The following PDS5A variants were observed in gnomAD, a reference collection of about 807,000 sequenced individuals.
The protein encoded by PDS5A is sister chromatid cohesion protein PDS5 homolog A.
A neutral mutation model predicts 167.1 loss-of-function variants in PDS5A; 42 were observed. That is an observed-to-expected ratio of 0.25 (90% CI 0.20 to 0.33). The LOEUF (loss-of-function observed/expected upper bound fraction) is 0.33. PDS5A is among the 10% of genes least tolerant of loss of function. PDS5A has a pLI of 1.00. For missense variants in PDS5A, 1,033 were observed against 1,605.9 expected, an observed-to-expected ratio of 0.64 and a Z score of 6.10; for synonymous variants, 553 against 554.6, an observed-to-expected ratio of 1.00 and a Z score of 0.04.
intron 10 of PDS5A, chr4:39,908,860 C>G (rs1327863624): frequency 4.7e-6 from 1 of 211,924 alleles, no homozygotes. Context: ...AACCCCGTCT[C>G]TACGAAAATT....
chr4:39,889,736 G>A (rs1037770535), intron 17 of PDS5A, among the ~76,000 whole-genome samples: 1 of 152,116 alleles, frequency 6.6e-6, no homozygotes, highest in African/African-American at 2.4e-5. Flanking sequence ...AAGATTTTAT[G>A]CCCATATTAA....
chr4:39,842,909 T>TTATA (rs71194933), intron 30 of PDS5A, among the ~76,000 whole-genome samples: 1,769 of 92,274 alleles, frequency 0.019, 103 homozygotes, highest in East Asian at 0.086. Flanking sequence ...TATCCTATTT[T>TTATA]TATATATATA....
intron 2 of PDS5A, chr4:39,973,529 T>A: frequency 7.5e-7 from 1 of 1,337,072 alleles, no homozygotes; most frequent in South Asian, 1.2e-5. Flanking sequence ...TTTTCTCCAT[T>A]TGGTACAATC....
intron 11 of PDS5A, among the ~76,000 whole-genome samples, chr4:39,905,733 G>A (rs1330167464): frequency 6.6e-6 from 1 of 151,948 alleles, no homozygotes; most frequent in Non-Finnish European, 1.5e-5. Flanking sequence ...CATTCTCAGG[G>A]AGATAAGATT....
At chr4:39,974,321 C>T (rs528904606) in intron 2 of PDS5A, 1 of 509,196 alleles carries the variant, frequency 2.0e-6, no homozygotes. Context: ...GTCAACAGAG[C>T]GGTTGCTAAC....
At chr4:39,846,013 A>G (rs1361100118) in intron 28 of PDS5A, 133 bp from the exon 29 acceptor site, 6 of 745,206 alleles carry the variant, frequency 8.1e-6, no homozygotes, top group Non-Finnish European at 1.1e-5. Context: ...CACATATACC[A>G]ATTTATCAAA....
intron 19 of PDS5A, among the ~76,000 whole-genome samples, chr4:39,876,540 A>C (rs1720475966): frequency 6.6e-6 from 1 of 152,178 alleles, no homozygotes; most frequent in Admixed American, 6.5e-5. Flanking sequence ...TTTAAGTCTA[A>C]ATATAACATC....
chr4:39,848,860 T>C lies in PDS5A; in HGVS notation c.3330A>G (p.Gln1110=), dbSNP rs202186240. ...AGAGGAAGAAAATTACCTTTTCAGG[T>C]TGTGTAAAAAATTTCATTGGGAGGA... ...DPVLPMKFFT[Q]PEKDFCNDKS... The change falls in exon 28 of 33, where the codon CAA becomes CAG. Residue 1110 remains glutamine, a synonymous_variant. Transcript: ENST00000303538. The C allele has an allele frequency of 1.7e-4, 279 of 1,597,738 alleles. No homozygotes were observed. The African/African-American group carries it at 3.4e-3, about 19-fold the overall frequency.
At chr4:39,968,347 CTTT>C (rs34421673) in intron 2 of PDS5A, among the ~76,000 whole-genome samples, 6 of 132,610 alleles carry the variant, frequency 4.5e-5, no homozygotes, top group Admixed American at 2.2e-4. Flanking sequence ...ATTTGTGATT[CTTT>C]TTTTTTTTTT....
At chr4:39,942,269 T>C (rs1025537230) in intron 2 of PDS5A, among the ~76,000 whole-genome samples, 5 of 152,204 alleles carry the variant, frequency 3.3e-5, no homozygotes, top group African/African-American at 4.8e-5. Context: ...GTTAATTCAT[T>C]ATCTTCCAAA....
In PDS5A at chr4:39,976,547, T is replaced by A; in HGVS notation, c.31A>T (p.Thr11Ser). MDFTAQPKPATALCGVVSADG... is the reference protein window; with the variant it reads MDFTAQPKPASALCGVVSADG... ...GCACTCACGACGCCACAGAGGGCAG[T>A]GGCAGGCTTGGGCTGCGCGGTGAAG... is the stretch of plus-strand genomic sequence containing the variant. The change falls in exon 2 of 33, where the codon ACT becomes TCT. Residue 11 changes from threonine to serine, a missense_variant. Coordinates refer to ENST00000303538, the MANE Select transcript of PDS5A (RefSeq NM_001100399.2). 1 of 1,613,488 alleles carries A rather than the reference T, an allele frequency of 6.2e-7. No homozygotes were observed.
chr4:39,904,680 T>C (rs1447584061), intron 11 of PDS5A, among the ~76,000 whole-genome samples: 2 of 152,180 alleles, frequency 1.3e-5, no homozygotes, highest in African/African-American at 4.8e-5. Flanking sequence ...CCAATGCAAA[T>C]ATTGCTAAAT....
intron 32 of PDS5A, among the ~76,000 whole-genome samples, chr4:39,825,975 A>T (rs1253065855): frequency 6.6e-6 from 1 of 152,126 alleles, no homozygotes; most frequent in Admixed American, 6.6e-5. Context: ...GCCTTTCCCT[A>T]AACTATATAA....
Position 39,824,602 on chromosome 4 carries a change from AAT to A in PDS5A, c.*881_*882del, listed in dbSNP as rs1715117857. On this transcript the variant is annotated 3_prime_UTR_variant, in exon 33 of 33. Transcript: ENST00000303538. ...TTTAAAAATTGATTTTTTTTACATT[AAT>A]AAAAATCTGGTGACAAACATTATAA... 6.6e-6 allele frequency: 1 copy of A among 152,610 alleles called. No homozygotes were observed. Among genetic ancestry groups the A allele is most frequent in the Non-Finnish European group, 1.5e-5 (1 of 68,028 alleles). 9.5% of individuals were successfully genotyped at this position (152,610 alleles called of 1,614,324 possible). A position where few individuals can be genotyped will look rare whatever the true frequency, so the allele number is the denominator to read the frequency against.
chr4:39,854,660 A>G (rs1371137949), intron 26 of PDS5A, among the ~76,000 whole-genome samples: 1 of 152,184 alleles, frequency 6.6e-6, no homozygotes, highest in Admixed American at 6.5e-5. Flanking sequence ...TATATCACAT[A>G]TCATATTGTA....
intron 26 of PDS5A, among the ~76,000 whole-genome samples, chr4:39,854,752 A>G (rs1718398824): frequency 6.6e-6 from 1 of 152,196 alleles, no homozygotes. Flanking sequence ...ACATAACCTC[A>G]CAACCCAAGA....
intron 2 of PDS5A, among the ~76,000 whole-genome samples, chr4:39,967,119 A>G (rs1730047774): frequency 6.6e-6 from 1 of 151,944 alleles, no homozygotes; most frequent in African/African-American, 2.4e-5. Flanking sequence ...AGCCTGGCCA[A>G]CAAGATGAAA....
At chr4:39,890,190 A>G in intron 17 of PDS5A, 59 bp downstream of exon 17, 1 of 929,364 alleles carries the variant, frequency 1.1e-6, no homozygotes, top group Non-Finnish European at 1.7e-6. Flanking sequence ...AATTTAAATT[A>G]ACAACATTGT....
intron 31 of PDS5A, among the ~76,000 whole-genome samples, chr4:39,839,299 T>C (rs1716729169): frequency 6.6e-6 from 1 of 151,774 alleles, no homozygotes; most frequent in African/African-American, 2.4e-5. Flanking sequence ...CGGGCGGGCA[T>C]GGTGGCTCAC....
Sources: gnomAD v4.1 joint callset for allele counts (sites outside exome capture counted in the v4.1 genomes callset) on GRCh38, gnomAD v4.1.1 for gene constraint, MANE v1.5 for transcripts, NCBI Gene and HGNC (gene_info 2026-07-23, HGNC 2026-07-21) for gene names.